The following EEFSEC variants were observed in gnomAD, a reference collection of about 807,000 sequenced individuals.
EEFSEC encodes the protein selenocysteine-specific elongation factor.
In EEFSEC, 43 loss-of-function variants were observed where a neutral mutation model predicts 42.1. The observed-to-expected ratio is 1.02, with a 90% CI of 0.80 to 1.32. The LOEUF is 1.32. Among genes scored for constraint, EEFSEC ranks in the 40% most tolerant of loss-of-function variants. EEFSEC has a pLI of 0.00. For missense variants in EEFSEC, 745 were observed against 803.6 expected (o/e 0.93, Z 0.88); for synonymous variants, 354 against 339.1 (o/e 1.04, Z -0.48).
At chr3:128,170,591 AC>A (rs1484237547) in intron 1 of EEFSEC, among the ~76,000 whole-genome samples, 1 of 152,006 alleles carries the variant, frequency 6.6e-6, no homozygotes, top group Non-Finnish European at 1.5e-5. Context: ...TTTCAGCAAC[AC>A]CCCCAGCTTG....
intron 1 of EEFSEC, among the ~76,000 whole-genome samples, chr3:128,167,631 G>A (rs1325880803): frequency 2.0e-5 from 3 of 152,240 alleles, no homozygotes; most frequent in Non-Finnish European, 4.4e-5. Context: ...CCCACAGAGG[G>A]TCAGCACACT....
At chr3:128,158,328 A>C (rs900270394) in intron 1 of EEFSEC, among the ~76,000 whole-genome samples, 5 of 152,270 alleles carry the variant, frequency 3.3e-5, no homozygotes, top group African/African-American at 1.2e-4. Flanking sequence ...AACTTAGTTG[A>C]TAAAGCAGTG....
At chr3:128,172,930 G>A (rs545330755) in intron 1 of EEFSEC, among the ~76,000 whole-genome samples, 4 of 152,254 alleles carry the variant, frequency 2.6e-5, no homozygotes, top group South Asian at 2.1e-4. Context: ...TTTTGTAATC[G>A]CAACATAAAT....
At chr3:128,200,365 C>T (rs1451288480) in intron 1 of EEFSEC, among the ~76,000 whole-genome samples, 6 of 151,830 alleles carry the variant, frequency 4.0e-5, no homozygotes, top group African/African-American at 9.7e-5. Flanking sequence ...CTTGGCTCAC[C>T]GCAACCTCCG....
chr3:128,300,099 T>C (rs2066750738), intron 4 of EEFSEC, among the ~76,000 whole-genome samples: 1 of 152,178 alleles, frequency 6.6e-6, no homozygotes. Flanking sequence ...AAAAGGAGCA[T>C]GTGTTCTTCC....
At chr3:128,369,316 C>T (rs1271945045) in intron 6 of EEFSEC, among the ~76,000 whole-genome samples, 4 of 152,228 alleles carry the variant, frequency 2.6e-5, no homozygotes, top group Non-Finnish European at 5.9e-5. Context: ...AACAGGCCCT[C>T]AGACAATGGG....
Position 128,213,363 on chromosome 3 carries a change from A to G in EEFSEC, c.317-33473A>G, listed in dbSNP as rs933823259. Among the ~76,000 whole-genome samples the G allele has an allele frequency of 7.2e-5, 11 of 152,194 alleles. No individual in the cohort carries two copies. The South Asian group carries it at 2.3e-3, about 32-fold the overall frequency. On this transcript the variant is annotated intron_variant, in intron 1 of 6. Coordinates refer to ENST00000254730, the MANE Select transcript of EEFSEC (RefSeq NM_021937.5). ...TTGGCATGTAGTTGGCGTAGTAGAA[A>G]ATGCAGTCTAGCTGATTTGGAGGGT... is the stretch of plus-strand genomic sequence containing the variant.
chr3:128,409,574 G>A (rs1422429035), downstream of EEFSEC, among the ~76,000 whole-genome samples: 2 of 152,250 alleles, frequency 1.3e-5, no homozygotes, highest in East Asian at 3.8e-4. Flanking sequence ...ATGGGGAAGT[G>A]GGGTTCCCAG....
chr3:128,341,523 C>T lies in EEFSEC; in HGVS notation c.1077C>T (p.Asp359=). 1 of 1,614,120 alleles carries T rather than the reference C, an allele frequency of 6.2e-7. No individual in the cohort carries two copies. The highest frequency in any genetic ancestry group is 8.5e-7 in the Non-Finnish European group (1 of 1,180,040). ...MFFSPAPDNF[D]QEPILDSFNF... ...TCAGTCCTGCTCCAGATAACTTTGA[C>T]CAGGAGCCTATACTGGACTCTTTCA... The change falls in exon 5 of 7, where the codon GAC becomes GAT. Residue 359 remains aspartate (D), a synonymous_variant. Transcript: ENST00000254730.
intron 4 of EEFSEC, among the ~76,000 whole-genome samples, chr3:128,279,890 T>C (rs781622270): frequency 7.9e-5 from 12 of 152,212 alleles, no homozygotes; most frequent in Non-Finnish European, 1.8e-4. Context: ...CACACTGTTC[T>C]TATACCAAGA....
At chr3:128,251,715 T>C (rs2066188984) in intron 2 of EEFSEC, among the ~76,000 whole-genome samples, 1 of 152,232 alleles carries the variant, frequency 6.6e-6, no homozygotes, top group African/African-American at 2.4e-5. Context: ...TTCTATCATA[T>C]TTGCTACAAA....
At chr3:128,164,020 A>G (rs1031053626) in intron 1 of EEFSEC, among the ~76,000 whole-genome samples, 1 of 151,674 alleles carries the variant, frequency 6.6e-6, no homozygotes, top group Non-Finnish European at 1.5e-5. Flanking sequence ...CATCTTAGCC[A>G]TCTTAAGTGT....
At chr3:128,279,632 G>C (rs1235317770) in intron 4 of EEFSEC, among the ~76,000 whole-genome samples, 1 of 152,024 alleles carries the variant, frequency 6.6e-6, no homozygotes, top group East Asian at 1.9e-4. Context: ...GGCAGCCATA[G>C]GGTCAGAGGG....
chr3:128,238,222 C>T (rs2066032975), intron 1 of EEFSEC, among the ~76,000 whole-genome samples: 1 of 152,112 alleles, frequency 6.6e-6, no homozygotes, highest in East Asian at 1.9e-4. Context: ...TAGGGAATTG[C>T]AGGAACCAGG....
intron 4 of EEFSEC, among the ~76,000 whole-genome samples, chr3:128,298,132 C>G (rs1370064113): frequency 1.3e-5 from 2 of 152,228 alleles, no homozygotes; most frequent in African/African-American, 2.4e-5. Context: ...TCTTCTCTTA[C>G]TCCCTTGTGC....
intron 6 of EEFSEC, among the ~76,000 whole-genome samples, chr3:128,375,368 G>A (rs1229325847): frequency 6.6e-6 from 1 of 152,168 alleles, no homozygotes; most frequent in African/African-American, 2.4e-5. Context: ...GCTGTTGCTT[G>A]CTAGCCCCTT....
chr3:128,184,582 C>CT (rs1340396113), intron 1 of EEFSEC, among the ~76,000 whole-genome samples: 1 of 152,046 alleles, frequency 6.6e-6, no homozygotes, highest in Non-Finnish European at 1.5e-5. Flanking sequence ...ATGTAAGTAT[C>CT]TATCAGTATA....
intron 6 of EEFSEC, among the ~76,000 whole-genome samples, chr3:128,373,617 C>T (rs562855733): frequency 5.9e-5 from 9 of 152,112 alleles, no homozygotes; most frequent in Admixed American, 3.3e-4. Flanking sequence ...ATTTAGTGCT[C>T]GAAGGTTGGG....
intron 4 of EEFSEC, among the ~76,000 whole-genome samples, chr3:128,312,202 C>A (rs1454900360): frequency 6.6e-6 from 1 of 152,198 alleles, no homozygotes; most frequent in Non-Finnish European, 1.5e-5. Context: ...ATTTTACATG[C>A]CTTTTCTTCT....
Sources: allele counts gnomAD v4.1 joint callset (sites outside exome capture counted in the v4.1 genomes callset), GRCh38; gene constraint gnomAD v4.1.1; transcripts MANE v1.5; gene names NCBI Gene and HGNC (gene_info 2026-07-23, HGNC 2026-07-21).